The following UACA variants were observed in gnomAD, a reference collection of about 807,000 sequenced individuals.
UACA encodes nuclear membrane binding protein.
UACA carries 112 observed loss-of-function variants against 160.5 expected under a neutral mutation model. That is an observed-to-expected ratio of 0.70 (90% CI 0.60 to 0.82). The LOEUF (loss-of-function observed/expected upper bound fraction) is 0.82. Ranked by LOEUF, UACA falls within the 40% of genes least tolerant of loss-of-function variation. The probability of loss-of-function intolerance (pLI) is 0.00; values close to 1 mark genes in which losing one functional copy is unlikely to be tolerated. For synonymous variants in UACA, 557 were observed against 568.4 expected, an observed-to-expected ratio of 0.98 and a Z score of 0.29; for missense variants, 1,574 against 1,614.6, an observed-to-expected ratio of 0.97 and a Z score of 0.43.
Position 70,763,554 on chromosome 15 carries a change from T to A in UACA, c.-147A>T, listed in dbSNP as rs1379769597. 1 of 1,240,642 alleles carries A rather than the reference T, an allele frequency of 8.1e-7. No homozygotes were observed. Among genetic ancestry groups the A allele is most frequent in the African/African-American group, 1.6e-5 (1 of 64,236 alleles). The allele number at this position is 1,240,642 out of a possible 1,614,324, so 76.9% of individuals were successfully genotyped here. On this transcript the variant is annotated 5_prime_UTR_variant, in exon 1 of 19. Coordinates refer to ENST00000322954, the MANE Select transcript of UACA (RefSeq NM_018003.4). ...ACCTGCGGGCCCCGGGCAGCAGACGTCGACAGGCCTGAGGCGGGGCTCCCC... is the reference window on the plus strand; with the variant it reads ...ACCTGCGGGCCCCGGGCAGCAGACGACGACAGGCCTGAGGCGGGGCTCCCC...
In UACA at chr15:70,695,099, A is replaced by G; in HGVS notation, c.219T>C (p.His73=). The change falls in exon 3 of 19, where the codon CAT becomes CAC. Residue 73 remains histidine (H), a synonymous_variant. Coordinates refer to ENST00000322954, the MANE Select transcript of UACA (RefSeq NM_018003.4). ...KLDVEGRSVF[H]VVTSKGNLEC... ...CAAGATTCCCCTTTGAGGTCACAACATGGAAGCTAAACAAAAAAAAAATAT... is the reference window on the plus strand; with the variant it reads ...CAAGATTCCCCTTTGAGGTCACAACGTGGAAGCTAAACAAAAAAAAAATAT... The G allele has an allele frequency of 1.3e-6, 2 of 1,598,908 alleles. No homozygotes were observed. The highest frequency in any genetic ancestry group is 1.7e-6 in the Non-Finnish European group (2 of 1,173,060).
intron 17 of UACA, among the ~76,000 whole-genome samples, chr15:70,662,618 A>G (rs1896750878): frequency 6.6e-6 from 1 of 152,214 alleles, no homozygotes; most frequent in Admixed American, 6.5e-5. Context: ...ACTATACTAC[A>G]AGGCTACAGT....
chr15:70,695,199 C>T lies in UACA; in HGVS notation c.213-94G>A, dbSNP rs569752080. On this transcript the variant is annotated intron_variant, in intron 2 of 18. Coordinates refer to ENST00000322954, the MANE Select transcript of UACA (RefSeq NM_018003.4). ...GTCACCCTTTTTCAACACACACACA[C>T]GCACACAAACACACACACATTTTAA... is the stretch of plus-strand genomic sequence containing the variant. 1.2e-3 allele frequency: 877 copies of T among 751,764 alleles called. 4 individuals are homozygous for T. The highest frequency in any genetic ancestry group is 3.2e-3 in the Middle Eastern group (13 of 4,070). 46.6% of individuals were successfully genotyped at this position (751,764 alleles called of 1,614,324 possible).
At chr15:70,696,347 T>G (rs1898127635) in intron 2 of UACA, among the ~76,000 whole-genome samples, 1 of 152,184 alleles carries the variant, frequency 6.6e-6, no homozygotes, top group Non-Finnish European at 1.5e-5. Context: ...AAGCAGGGAT[T>G]TTTGTCTAGT....
chr15:70,749,682 G>C (rs1426389234), intron 1 of UACA, among the ~76,000 whole-genome samples: 1 of 110,900 alleles, frequency 9.0e-6, no homozygotes, highest in African/African-American at 3.9e-5. Context: ...CTGGGCGACA[G>C]AGGAAGACTC....
chr15:70,753,929 C>T, intron 1 of UACA: 1 of 328,024 alleles, frequency 3.0e-6, no homozygotes, highest in Admixed American at 4.3e-5. Context: ...CCTCAGCCTC[C>T]CGAGTAGCTG....
chr15:70,671,002 A>G, intron 15 of UACA, 37 bp downstream of exon 15: 1 of 1,430,888 alleles, frequency 7.0e-7, no homozygotes, highest in Non-Finnish European at 9.4e-7. Flanking sequence ...ATTTTCTTTA[A>G]ATGTTTTTTA....
At chr15:70,725,372 A>G (rs990232919) in intron 1 of UACA, among the ~76,000 whole-genome samples, 2 of 152,214 alleles carry the variant, frequency 1.3e-5, no homozygotes, top group African/African-American at 4.8e-5. Flanking sequence ...GGATAAATCA[A>G]GCTTAGCACT....
At chr15:70,719,120 G>GGAGAA (rs1350891139) in intron 1 of UACA, among the ~76,000 whole-genome samples, 32 of 150,978 alleles carry the variant, frequency 2.1e-4, no homozygotes, top group Non-Finnish European at 3.1e-4. Flanking sequence ...AGAAGGAGAA[G>GGAGAA]GAGAAGAGAA....
chr15:70,705,786 C>T (rs1359437248), intron 1 of UACA, among the ~76,000 whole-genome samples: 3 of 151,954 alleles, frequency 2.0e-5, no homozygotes, highest in Non-Finnish European at 2.9e-5. Context: ...TCATAAGTCA[C>T]AGAACTTAAG....
intron 11 of UACA, among the ~76,000 whole-genome samples, chr15:70,677,401 T>TA (rs2140922994): frequency 6.6e-6 from 1 of 152,344 alleles, no homozygotes; most frequent in African/African-American, 2.4e-5. Context: ...ATCTTCTGTC[T>TA]ACTTTTTCCT....
chr15:70,748,543 CA>C (rs1899781236), intron 1 of UACA, among the ~76,000 whole-genome samples: 1 of 152,166 alleles, frequency 6.6e-6, no homozygotes, highest in African/African-American at 2.4e-5. Context: ...AATGACAGGA[CA>C]AATTTATAGA....
intron 10 of UACA, among the ~76,000 whole-genome samples, chr15:70,678,548 G>A (rs889792457): frequency 1.3e-5 from 2 of 152,132 alleles, no homozygotes; most frequent in African/African-American, 4.8e-5. Flanking sequence ...CCAAATTTAT[G>A]AGACTCTTCT....
intron 8 of UACA, among the ~76,000 whole-genome samples, 180 bp downstream of exon 8, chr15:70,684,085 C>T (rs938065948): frequency 6.6e-6 from 1 of 152,036 alleles, no homozygotes; most frequent in Admixed American, 6.6e-5. Context: ...CACACACTGC[C>T]TCAAAGCAAG....
intron 1 of UACA, among the ~76,000 whole-genome samples, chr15:70,724,976 T>C (rs1439646265): frequency 1.3e-5 from 2 of 151,780 alleles, no homozygotes; most frequent in Non-Finnish European, 2.9e-5. Flanking sequence ...CTTGTAGTCC[T>C]AGCTACACCA....
At chr15:70,748,016 A>AT (rs1344592361) in intron 1 of UACA, among the ~76,000 whole-genome samples, 1 of 152,136 alleles carries the variant, frequency 6.6e-6, no homozygotes, top group African/African-American at 2.4e-5. Context: ...TATATGCTGA[A>AT]TTTTTTGTTT....
In UACA at chr15:70,712,051, C is replaced by CATATATATAT. The variant is rs57543862; in HGVS notation, c.79-12401_79-12392dup. Among the ~76,000 whole-genome samples the CATATATATAT allele has an allele frequency of 1.1e-3, 142 of 131,962 alleles. 6 individuals carry two copies. The highest frequency in any genetic ancestry group is 3.9e-3 in the Middle Eastern group (1 of 256). The allele number at this position is 131,962 out of a possible 152,430, so 86.6% of individuals were successfully genotyped here. A position where few individuals can be genotyped will look rare whatever the true frequency, so the allele number is the denominator to read the frequency against. On this transcript the variant is annotated intron_variant, in intron 1 of 18. Coordinates refer to ENST00000322954, the MANE Select transcript of UACA (RefSeq NM_018003.4). ...AACCCAGGCTCCTCTAAGCTCCAGG[C>CATATATATAT]ATATATATATATATATCTCCATATA...
chr15:70,689,602 T>C (rs759612650), intron 5 of UACA, among the ~76,000 whole-genome samples: 44 of 152,260 alleles, frequency 2.9e-4, no homozygotes, highest in South Asian at 6.2e-4. Context: ...AAGTATAATA[T>C]GTCTTCAGTG....
At chr15:70,670,483 C>T (rs974030375) in intron 15 of UACA, among the ~76,000 whole-genome samples, 1 of 152,114 alleles carries the variant, frequency 6.6e-6, no homozygotes, top group East Asian at 1.9e-4. Flanking sequence ...TGCTTCCTTT[C>T]GTTCCTGCTC....
Sources: gnomAD v4.1 joint callset for allele counts (sites outside exome capture counted in the v4.1 genomes callset) on GRCh38, gnomAD v4.1.1 for gene constraint, MANE v1.5 for transcripts, NCBI Gene and HGNC (gene_info 2026-07-23, HGNC 2026-07-21) for gene names.